Variants in CACNA2D1 observed in about 807,000 individuals in gnomAD.
CACNA2D1 encodes voltage-dependent calcium channel subunit alpha-2/delta-1.
CACNA2D1 carries 53 observed loss-of-function variants against 171.5 expected under a neutral mutation model. The observed-to-expected ratio is 0.31, with a 90% CI of 0.25 to 0.39. The LOEUF is 0.39. Among genes scored for constraint, CACNA2D1 ranks in the 10% least tolerant of loss-of-function variants. CACNA2D1 has a pLI of 1.00. For synonymous variants in CACNA2D1, 442 were observed against 443.1 expected (o/e 1.00, Z 0.03); for missense variants, 903 against 1,299.8 (o/e 0.69, Z 4.69).
chr7:82,394,814 T>C (rs895164546), intron 1 of CACNA2D1, among the ~76,000 whole-genome samples: 30 of 152,134 alleles, frequency 2.0e-4, no homozygotes, highest in African/African-American at 6.8e-4. Context: ...CTTCAAACTT[T>C]TATTAGTGAG....
intron 38 of CACNA2D1, among the ~76,000 whole-genome samples, chr7:81,955,225 AG>A (rs1793087680): frequency 6.6e-6 from 1 of 151,998 alleles, no homozygotes; most frequent in Admixed American, 6.6e-5. Flanking sequence ...ACCGGGTATA[AG>A]GGCCCCTTGG....
intron 3 of CACNA2D1, among the ~76,000 whole-genome samples, chr7:82,273,026 TACTA>T (rs1808842469): frequency 6.6e-6 from 1 of 152,138 alleles, no homozygotes; most frequent in Admixed American, 6.6e-5. Flanking sequence ...GAACTAATAC[TACTA>T]ACTAATAAAC....
chr7:82,370,540 TAAATGGAG>T lies in CACNA2D1; in HGVS notation c.96-20899_96-20892del, dbSNP rs202066518. ...TATTGACAAAACTGGAAGAGATAGG[TAAATGGAG>T]GGATGGATGGATGGATGGATGGATG... On this transcript the variant is annotated intron_variant, in intron 1 of 38. Coordinates refer to ENST00000356860, the MANE Select transcript of CACNA2D1 (RefSeq NM_000722.4). Among the ~76,000 whole-genome samples the T allele has an allele frequency of 5.2e-4, 79 of 151,618 alleles. No individual in the cohort carries two copies. The East Asian group carries it at 0.011, about 21-fold the overall frequency.
intron 3 of CACNA2D1, among the ~76,000 whole-genome samples, chr7:82,233,520 A>T (rs1803195057): frequency 6.6e-6 from 1 of 152,122 alleles, no homozygotes. Flanking sequence ...TGAAGTATTC[A>T]TTTAATTTCT....
chr7:81,951,448 C>T (rs1792510393), intron 38 of CACNA2D1, among the ~76,000 whole-genome samples: 1 of 151,996 alleles, frequency 6.6e-6, no homozygotes, highest in Admixed American at 6.6e-5. Flanking sequence ...GCACCTGTCA[C>T]CCAAGCAATG....
intron 10 of CACNA2D1, among the ~76,000 whole-genome samples, chr7:82,052,566 C>T (rs1805311230): frequency 6.6e-6 from 1 of 152,032 alleles, no homozygotes; most frequent in African/African-American, 2.4e-5. Flanking sequence ...ACAGTATATA[C>T]TCAAAATAAA....
intron 1 of CACNA2D1, among the ~76,000 whole-genome samples, chr7:82,365,619 T>C (rs981040301): frequency 2.0e-5 from 3 of 152,232 alleles, no homozygotes; most frequent in Non-Finnish European, 2.9e-5. Context: ...ATAGCAGTCA[T>C]TGGGTTGGCT....
At chr7:81,981,149 A>C (rs1796405394) in intron 24 of CACNA2D1, among the ~76,000 whole-genome samples, 1 of 152,208 alleles carries the variant, frequency 6.6e-6, no homozygotes, top group South Asian at 2.1e-4. Context: ...GGCAGAGAAC[A>C]CATGGGTGGC....
At chr7:82,120,874 CAAAA>C (rs749679830) in intron 5 of CACNA2D1, among the ~76,000 whole-genome samples, 2 of 104,594 alleles carry the variant, frequency 1.9e-5, no homozygotes, top group Non-Finnish European at 1.9e-5. Flanking sequence ...GACTCTATCT[CAAAA>C]AAAAAAAAAA....
At chr7:81,953,746 TTAAG>T (rs1437876449) in intron 38 of CACNA2D1, among the ~76,000 whole-genome samples, 5 of 152,118 alleles carry the variant, frequency 3.3e-5, no homozygotes, top group Admixed American at 2.6e-4. Context: ...CCAGTTATGA[TTAAG>T]TGTTAATTTG....
intron 10 of CACNA2D1, among the ~76,000 whole-genome samples, chr7:82,043,952 A>T (rs1238976727): frequency 6.6e-6 from 1 of 152,234 alleles, no homozygotes; most frequent in East Asian, 1.9e-4. Flanking sequence ...AGAATTAATG[A>T]CAAAAGACAT....
intron 10 of CACNA2D1, among the ~76,000 whole-genome samples, chr7:82,044,734 G>A (rs1039849885): frequency 2.0e-5 from 3 of 152,004 alleles, no homozygotes; most frequent in Non-Finnish European, 2.9e-5. Flanking sequence ...GAGGCTGTGC[G>A]CTCCAAAATT....
At chr7:82,157,583 T>A (rs988424167) in intron 4 of CACNA2D1, among the ~76,000 whole-genome samples, 12 of 152,012 alleles carry the variant, frequency 7.9e-5, no homozygotes, top group African/African-American at 2.9e-4. Flanking sequence ...TCTATGATAC[T>A]AAAATAACAG....
chr7:82,044,988 T>C (rs1195145713), intron 10 of CACNA2D1, among the ~76,000 whole-genome samples: 4 of 152,184 alleles, frequency 2.6e-5, no homozygotes, highest in African/African-American at 4.8e-5. Context: ...TAGAATTCAA[T>C]GTCTGGGTGA....
chr7:82,410,471 CG>C (rs1827525023), intron 1 of CACNA2D1: 1 of 979,498 alleles, frequency 1.0e-6, no homozygotes, highest in Non-Finnish European at 1.2e-6. Context: ...AAAAAACTAA[CG>C]CATGTTAACA....
intron 6 of CACNA2D1, among the ~76,000 whole-genome samples, chr7:82,104,044 G>C (rs1813018896): frequency 6.6e-6 from 1 of 151,832 alleles, no homozygotes; most frequent in Admixed American, 6.6e-5. Context: ...CTCAAAATCA[G>C]CTACTAAAAG....
chr7:82,111,425 T>C lies in CACNA2D1; in HGVS notation c.526+5619A>G, dbSNP rs1044222210. On this transcript the variant is annotated intron_variant, in intron 6 of 38. Coordinates refer to ENST00000356860, the MANE Select transcript of CACNA2D1 (RefSeq NM_000722.4). The stretch of plus-strand genomic sequence containing the variant: ...ATATATTCATATATGTGTATATATG[T>C]GTGTATATATATATATATATTTTTT... 1.6e-4 allele frequency among the ~76,000 whole-genome samples: 13 copies of C among 82,442 alleles called. 3 individuals carry two copies. Among genetic ancestry groups the C allele is most frequent in the Non-Finnish European group, 2.9e-4 (13 of 44,492 alleles). The allele number at this position is 82,442 out of a possible 152,430, so 54.1% of individuals were successfully genotyped here.
intron 3 of CACNA2D1, among the ~76,000 whole-genome samples, chr7:82,270,646 G>C (rs993243687): frequency 6.6e-6 from 1 of 152,064 alleles, no homozygotes; most frequent in Admixed American, 6.6e-5. Flanking sequence ...AGTGGTTTCT[G>C]TGAAATGGAT....
intron 20 of CACNA2D1, among the ~76,000 whole-genome samples, chr7:81,992,812 T>C (rs911131876): frequency 6.6e-5 from 10 of 152,194 alleles, no homozygotes; most frequent in African/African-American, 1.9e-4. Flanking sequence ...CTTAAAAAAG[T>C]CATTATTCAG....
Sources: gnomAD v4.1 joint callset for allele counts (sites outside exome capture counted in the v4.1 genomes callset) on GRCh38, gnomAD v4.1.1 for gene constraint, MANE v1.5 for transcripts, NCBI Gene and HGNC (gene_info 2026-07-23, HGNC 2026-07-21) for gene names.